The following FAM120C variants were observed in gnomAD, a reference collection of about 807,000 sequenced individuals.
The protein encoded by FAM120C is constitutive coactivator of PPAR-gamma-like protein 2.
Under a neutral mutation model 71.2 loss-of-function variants are expected in FAM120C, and 14 were observed. The observed-to-expected ratio is 0.20, with a 90% CI of 0.13 to 0.31. FAM120C has a LOEUF of 0.31. Among genes scored for constraint, FAM120C ranks in the 10% least tolerant of loss-of-function variants. The probability of loss-of-function intolerance (pLI) is 1.00; values close to 1 mark genes in which losing one functional copy is unlikely to be tolerated. For missense variants in FAM120C, 500 were observed against 879.0 expected (o/e 0.57, Z 5.45); for synonymous variants, 354 against 353.2 (o/e 1.00, Z -0.03).
intron 14 of FAM120C, among the ~76,000 whole-genome samples, 168 bp downstream of exon 14, chrX:54,081,154 A>G (rs2066762777): frequency 1.8e-5 from 2 of 110,617 alleles, no homozygotes; most frequent in Non-Finnish European, 3.8e-5. Flanking sequence ...AGCCTGGGCA[A>G]CAAAGTGAGA....
rs782591378 is a variant in FAM120C, at chrX:54,145,016, T to A, written c.1158+6229A>T. On this transcript the variant is annotated intron_variant, in intron 4 of 15. Transcript: ENST00000375180. ...GAGCCCTCAGAATTAATACCACACA[T>A]CTACAACCATCTGATCTTTGACAAA... is the stretch of plus-strand genomic sequence containing the variant. Among the ~76,000 whole-genome samples the A allele has an allele frequency of 3.4e-4, 38 of 111,281 alleles. No individual in the cohort carries two copies. In the South Asian group the frequency reaches 0.014, roughly 41 times the overall value.
chrX:54,128,079 C>T lies in FAM120C; in HGVS notation c.2062+4613G>A, dbSNP rs186847860. Among the ~76,000 whole-genome samples the T allele has an allele frequency of 2.7e-5, 3 of 111,430 alleles. No homozygotes were observed. In the East Asian group the frequency reaches 8.5e-4, roughly 32 times the overall value. On this transcript the variant is annotated intron_variant, in intron 9 of 15. Coordinates refer to ENST00000375180, the MANE Select transcript of FAM120C (RefSeq NM_017848.6). ...CCCCTTTTCTCTGCATCCTTGCCAACATCTGTTGGTTTTAGACTTGGTTCA... is the reference window on the plus strand; with the variant it reads ...CCCCTTTTCTCTGCATCCTTGCCAATATCTGTTGGTTTTAGACTTGGTTCA...
At chrX:54,151,943 T>C (rs1329803786) in intron 3 of FAM120C, among the ~76,000 whole-genome samples, 1 of 111,481 alleles carries the variant, frequency 9.0e-6, no homozygotes, top group Non-Finnish European at 1.9e-5. Context: ...GGCAAAATAC[T>C]GGTAACTGTT....
chrX:54,152,961 G>A (rs1308276472), intron 3 of FAM120C, among the ~76,000 whole-genome samples: 2 of 111,699 alleles, frequency 1.8e-5, no homozygotes, highest in East Asian at 2.8e-4. Context: ...TCTGGGAGGC[G>A]GAGGCTGGCG....
At chrX:54,102,886 A>C (rs2146577714) in intron 10 of FAM120C, among the ~76,000 whole-genome samples, 1 of 107,835 alleles carries the variant, frequency 9.3e-6, no homozygotes, top group Admixed American at 1.0e-4. Flanking sequence ...CACCCAGCTA[A>C]TTTTTGTATT....
chrX:54,134,133 G>T, intron 7 of FAM120C, 87 bp from the exon 8 acceptor site: 1 of 977,827 alleles, frequency 1.0e-6, no homozygotes, highest in South Asian at 2.3e-5. Flanking sequence ...GGACCCAAGG[G>T]GTCTCACAAA....
intron 1 of FAM120C, among the ~76,000 whole-genome samples, chrX:54,170,407 A>G (rs1489772159): frequency 9.0e-6 from 1 of 111,726 alleles, no homozygotes; most frequent in Non-Finnish European, 1.9e-5. Flanking sequence ...TGCTAGGATT[A>G]CAGGCGTGAG....
intron 1 of FAM120C, among the ~76,000 whole-genome samples, chrX:54,165,892 C>T (rs1010561967): frequency 1.8e-5 from 2 of 110,522 alleles, no homozygotes; most frequent in Admixed American, 9.7e-5. Context: ...CCCCAGAAAA[C>T]GGTCAATACT....
intron 3 of FAM120C, among the ~76,000 whole-genome samples, chrX:54,152,419 G>A (rs1260395460): frequency 3.6e-5 from 4 of 111,244 alleles, no homozygotes; most frequent in South Asian, 7.6e-4. Context: ...CACCATGCCC[G>A]GCTAATTTTT....
Position 54,159,468 on chromosome X carries a change from T to C in FAM120C, c.848A>G (p.Asn283Ser), listed in dbSNP as rs2067225764. The C allele has an allele frequency of 1.7e-6, 2 of 1,209,286 alleles. No individual in the cohort carries two copies. Among genetic ancestry groups the C allele is most frequent in the South Asian group, 1.8e-5 (1 of 56,795 alleles). ...CTGGTTGGTAGTGAGGTTCTTCCCATTCCAGCTCAGTTTCAGAGCATGGGA... is the reference window on the plus strand; with the variant it reads ...CTGGTTGGTAGTGAGGTTCTTCCCACTCCAGCTCAGTTTCAGAGCATGGGA... ...YSSHALKLSW[N>S]GKNLTTNQFL... Residue 283 changes from asparagine to serine, a missense_variant, in exon 2 of 16, where the codon AAT becomes AGT. Transcript: ENST00000375180.
Position 54,182,698 on chromosome X carries a change from G to T in FAM120C, c.501C>A (p.Leu167=). 1 of 1,209,686 alleles carries T rather than the reference G, an allele frequency of 8.3e-7. No homozygotes were observed. Among genetic ancestry groups the T allele is most frequent in the Non-Finnish European group, 1.1e-6 (1 of 894,843 alleles). The change falls in exon 1 of 16, where the codon CTC becomes CTA. Residue 167 remains leucine, a synonymous_variant. Transcript: ENST00000375180. ...CAYPGGDGLE[L]VVMFPGGLGK... ...CCAGGCCCCCCGGGAACATGACCACGAGCTCCAGGCCGTCGCCGCCAGGAT... is the reference window on the plus strand; with the variant it reads ...CCAGGCCCCCCGGGAACATGACCACTAGCTCCAGGCCGTCGCCGCCAGGAT...
chrX:54,142,139 C>G (rs782010148), intron 4 of FAM120C, among the ~76,000 whole-genome samples: 4 of 111,957 alleles, frequency 3.6e-5, no homozygotes, highest in Non-Finnish European at 5.6e-5. Flanking sequence ...CAAATAGGAA[C>G]AGCTCCAGTC....
chrX:54,167,903 GGT>G (rs1185902020), intron 1 of FAM120C, among the ~76,000 whole-genome samples: 1 of 107,617 alleles, frequency 9.3e-6, no homozygotes, highest in Non-Finnish European at 1.9e-5. Flanking sequence ...GGGAGGTGGA[GGT>G]TGCAGTGAGC....
At chrX:54,093,615 G>C (rs956011646) in intron 10 of FAM120C, among the ~76,000 whole-genome samples, 2 of 112,146 alleles carry the variant, frequency 1.8e-5, no homozygotes, top group African/African-American at 6.5e-5. Flanking sequence ...GGAAATGCTA[G>C]CTCCATCTTT....
In FAM120C at chrX:54,074,204, C is replaced by T. The variant is rs150051741; in HGVS notation, c.3037-917G>A. On this transcript the variant is annotated intron_variant, in intron 15 of 15. Coordinates refer to ENST00000375180, the MANE Select transcript of FAM120C (RefSeq NM_017848.6). ...ATCCTAAATGGTAGATATGATCATG[C>T]CCCATTTGCTGATGAGGAAGGTGAG... 8.7e-4 allele frequency among the ~76,000 whole-genome samples: 97 copies of T among 111,298 alleles called. No individual in the cohort carries two copies. The East Asian group carries it at 0.026, about 30-fold the overall frequency.
At chrX:54,147,186 G>A (rs1158902759) in intron 4 of FAM120C, among the ~76,000 whole-genome samples, 5 of 110,332 alleles carry the variant, frequency 4.5e-5, no homozygotes, top group African/African-American at 1.3e-4. Flanking sequence ...GTGTGGGGGC[G>A]CGTGCCTGTA....
rs1286948435 is a variant in FAM120C, at chrX:54,071,421, G to T, written c.*1612C>A. On this transcript the variant is annotated 3_prime_UTR_variant, in exon 16 of 16. Coordinates refer to ENST00000375180, the MANE Select transcript of FAM120C (RefSeq NM_017848.6). The stretch of plus-strand genomic sequence containing the variant: ...GTAGTCAGAATGTCAATGAACAAAT[G>T]AAACAATCTAGGCGTGTAAAATCAA... 8.9e-6 allele frequency: 1 copy of T among 112,771 alleles called. No homozygotes were observed. The highest frequency in any genetic ancestry group is 1.9e-5 in the Non-Finnish European group (1 of 53,294). The allele number at this position is 112,771 out of a possible 1,213,427, so 9.3% of individuals were successfully genotyped here.
chrX:54,155,575 A>G (rs1557133597), intron 3 of FAM120C, among the ~76,000 whole-genome samples: 1 of 111,854 alleles, frequency 8.9e-6, no homozygotes, highest in Non-Finnish European at 1.9e-5. Context: ...TAAGCAACTC[A>G]TGTGTAGACA....
intron 1 of FAM120C, among the ~76,000 whole-genome samples, chrX:54,175,355 TGAAAAGCATTGTCCTGATAA>T (rs2067311156): frequency 9.0e-6 from 1 of 110,537 alleles, no homozygotes; most frequent in Non-Finnish European, 1.9e-5. Context: ...TTAACTGAAC[TGAAAAGCATTGTCCTGATAA>T]GAAAAATGGG....
Sources: gnomAD v4.1 joint callset for allele counts (sites outside exome capture counted in the v4.1 genomes callset) on GRCh38, gnomAD v4.1.1 for gene constraint, MANE v1.5 for transcripts, NCBI Gene and HGNC (gene_info 2026-07-23, HGNC 2026-07-21) for gene names.